The following DEFB108B variants were observed in gnomAD, a reference collection of about 807,000 sequenced individuals.
The protein encoded by DEFB108B is defensin beta 108B.
Under a neutral mutation model 2.4 loss-of-function variants are expected in DEFB108B, and 3 were observed. The observed-to-expected ratio is 1.25, with a 90% CI of 0.57 to 3.24. The LOEUF (loss-of-function observed/expected upper bound fraction) is 3.24. Ranked by LOEUF, DEFB108B falls within the 30% of genes most tolerant of loss-of-function variation. The pLI, the probability that DEFB108B is intolerant of heterozygous loss-of-function variation, is 0.03. For missense variants in DEFB108B, 101 were observed against 87.8 expected (o/e 1.15, Z -0.60); for synonymous variants, 25 against 28.7 (o/e 0.87, Z 0.41).
chr11:71,836,744 G>A lies in DEFB108B; in HGVS notation c.59-655G>A, dbSNP rs548252551. ...TGCAACCTCAAATACCCGTGCCAGA[G>A]ATATAAGTAGTGAGTGAAGTCTCAG... is the stretch of plus-strand genomic sequence containing the variant. On this transcript the variant is annotated intron_variant, in intron 1 of 1. Coordinates refer to ENST00000328698, the MANE Select transcript of DEFB108B (RefSeq NM_001002035.2). Among the ~76,000 whole-genome samples, 102 of 152,312 alleles carry A rather than the reference G, an allele frequency of 6.7e-4. 1 individual carries two copies. Among genetic ancestry groups the A allele is most frequent in the African/African-American group, 2.4e-3 (100 of 41,564 alleles).
chr11:71,836,944 TTG>T (rs753040143), intron 1 of DEFB108B: 153 of 115,554 alleles, frequency 1.3e-3, no homozygotes, highest in South Asian at 4.0e-3. Flanking sequence ...GAGTGTGTGT[TTG>T]TGTGTGTGTG....
At chr11:71,836,640 A>C (rs1453169787) in intron 1 of DEFB108B, among the ~76,000 whole-genome samples, 1 of 152,238 alleles carries the variant, frequency 6.6e-6, no homozygotes, top group African/African-American at 2.4e-5. Context: ...CAATGTTTTC[A>C]ACAAGTATAG....
chr11:71,833,961 A>G (rs1952197982), intron 1 of DEFB108B, among the ~76,000 whole-genome samples: 1 of 152,212 alleles, frequency 6.6e-6, no homozygotes. Flanking sequence ...GGATTTGCCC[A>G]TGGTGGTTAC....
chr11:71,833,552 A>G (rs1314114889), intron 1 of DEFB108B, among the ~76,000 whole-genome samples: 5 of 152,206 alleles, frequency 3.3e-5, no homozygotes, highest in Admixed American at 1.3e-4. Flanking sequence ...ATTCTACTAA[A>G]TCTTGGTCTC....
rs747100615 is a variant in DEFB108B at position 71,837,508 on chromosome 11, C to T, written c.168C>T (p.Cys56=). 16 of 1,611,858 alleles carry T rather than the reference C, an allele frequency of 9.9e-6. No homozygotes were observed. Among genetic ancestry groups the T allele is most frequent in the African/African-American group, 1.3e-5 (1 of 74,830 alleles). Reference sequence around the variant, plus strand: ...GATGTTTAAATAGCCAACCCTGCTGCCTGCCTCTGGGGCATCAACCAAGAA... The same window carrying T: ...GATGTTTAAATAGCCAACCCTGCTGTCTGCCTCTGGGGCATCAACCAAGAA... The part of the protein sequence containing the change: ...VGRCLNSQPC[C]LPLGHQPRIE... The change falls in exon 2 of 2, where the codon TGC becomes TGT. Residue 56 remains cysteine, a synonymous_variant. Transcript: ENST00000328698.
chr11:71,836,668 AG>A (rs1448334325), intron 1 of DEFB108B, among the ~76,000 whole-genome samples: 2 of 152,214 alleles, frequency 1.3e-5, no homozygotes, highest in Non-Finnish European at 2.9e-5. Flanking sequence ...GCCTTTAAGA[AG>A]ACCTTGAATG....
At chr11:71,835,785 A>G (rs1952212660) in intron 1 of DEFB108B, among the ~76,000 whole-genome samples, 3 of 152,250 alleles carry the variant, frequency 2.0e-5, no homozygotes, top group African/African-American at 7.2e-5. Context: ...GCTGTATTTT[A>G]ATCAATTATT....
Position 71,837,579 on chromosome 11 carries a change from G to T in DEFB108B, c.*17G>T. ...AAGGACTGAAGCCTGTTGTTTTCTG[G>T]AGGTTTTATGTTCTCTTTTTTCTCT... On this transcript the variant is annotated 3_prime_UTR_variant, in exon 2 of 2. Transcript: ENST00000328698. 1 of 1,605,888 alleles carries T rather than the reference G, an allele frequency of 6.2e-7. No homozygotes were observed.
chr11:71,836,856 CAATT>C (rs1459590253), intron 1 of DEFB108B, among the ~76,000 whole-genome samples: 1 of 152,092 alleles, frequency 6.6e-6, no homozygotes, highest in Non-Finnish European at 1.5e-5. Flanking sequence ...TCCTCTCTAA[CAATT>C]AAAGTATATT....
intron 1 of DEFB108B, among the ~76,000 whole-genome samples, chr11:71,836,342 C>A (rs1297011218): frequency 2.0e-5 from 3 of 152,062 alleles, no homozygotes; most frequent in African/African-American, 7.2e-5. Context: ...TAAATGGAAC[C>A]TAATGCATTT....
intron 1 of DEFB108B, among the ~76,000 whole-genome samples, chr11:71,835,055 A>C (rs1432639693): frequency 6.6e-6 from 1 of 152,072 alleles, no homozygotes; most frequent in Non-Finnish European, 1.5e-5. Flanking sequence ...GTACATCATA[A>C]TTTTAAAAAG....
At chr11:71,836,402 C>T (rs538183975) in intron 1 of DEFB108B, among the ~76,000 whole-genome samples, 4 of 152,102 alleles carry the variant, frequency 2.6e-5, no homozygotes, top group Non-Finnish European at 5.9e-5. Context: ...ATTAAAATTG[C>T]TGTACTGATT....
At chr11:71,833,920 A>G (rs1452318215) in intron 1 of DEFB108B, among the ~76,000 whole-genome samples, 1 of 152,188 alleles carries the variant, frequency 6.6e-6, no homozygotes, top group Non-Finnish European at 1.5e-5. Flanking sequence ...TTGCACAGAC[A>G]TGCTTTGGAG....
Position 71,834,420 on chromosome 11 carries a change from C to A in DEFB108B, c.58+1163C>A, listed in dbSNP as rs184927831. ...AAATATGTGTCTTACATATATAACC[C>A]CAGAAAATCAATGCTTTTAATCAAG... On this transcript the variant is annotated intron_variant, in intron 1 of 1. Transcript: ENST00000328698. Among the ~76,000 whole-genome samples the A allele has an allele frequency of 3.3e-3, 502 of 152,016 alleles. 2 individuals carry two copies. Among genetic ancestry groups the A allele is most frequent in the Admixed American group, 4.5e-3 (69 of 15,268 alleles).
At chr11:71,834,340 G>A (rs1052286421) in intron 1 of DEFB108B, among the ~76,000 whole-genome samples, 1 of 152,094 alleles carries the variant, frequency 6.6e-6, no homozygotes, top group African/African-American at 2.4e-5. Context: ...TTGTTAAATA[G>A]TCACCCTGGC....
At position 71,837,390 on chromosome 11, in the gene DEFB108B, T is replaced by C; in HGVS notation, c.59-9T>C. On this transcript the variant is annotated splice_polypyrimidine_tract_variant and intron_variant, in intron 1 of 1. Transcript: ENST00000328698. Reference sequence around the variant, plus strand: ...GTGAATGGTTACAATAACCCTCTTCTTCATGTAGCCAGGGGCAAATTCAAG... The same window carrying C: ...GTGAATGGTTACAATAACCCTCTTCCTCATGTAGCCAGGGGCAAATTCAAG... 1.2e-6 allele frequency: 2 copies of C among 1,611,670 alleles called. No individual in the cohort carries two copies. The highest frequency in any genetic ancestry group is 2.2e-5 in the South Asian group (2 of 90,974).
chr11:71,836,944 T>TTGTG (rs753040143), intron 1 of DEFB108B: 4,325 of 115,756 alleles, frequency 0.037, 199 homozygotes, highest in African/African-American at 0.11. Flanking sequence ...GAGTGTGTGT[T>TTGTG]TGTGTGTGTG....
At chr11:71,833,675 T>A (rs546106009) in intron 1 of DEFB108B, among the ~76,000 whole-genome samples, 2 of 152,274 alleles carry the variant, frequency 1.3e-5, no homozygotes, top group African/African-American at 4.8e-5. Context: ...AGAAGTCTCT[T>A]TGAAAATATT....
chr11:71,834,205 T>C (rs1222330615), intron 1 of DEFB108B, among the ~76,000 whole-genome samples: 2 of 152,192 alleles, frequency 1.3e-5, no homozygotes, highest in Non-Finnish European at 2.9e-5. Context: ...GCCGTTCCTT[T>C]GTGTGACTTC....
Sources: gnomAD v4.1 joint callset for allele counts (sites outside exome capture counted in the v4.1 genomes callset) on GRCh38, gnomAD v4.1.1 for gene constraint, MANE v1.5 for transcripts, NCBI Gene and HGNC (gene_info 2026-07-23, HGNC 2026-07-21) for gene names.